The following STARD5 variants were observed in gnomAD, a reference collection of about 807,000 sequenced individuals.
STARD5 encodes the protein StAR related lipid transfer domain containing 5.
In STARD5, 26 loss-of-function variants were observed where a neutral mutation model predicts 24.6. That is an observed-to-expected ratio of 1.06 (90% CI 0.77 to 1.47). The LOEUF (loss-of-function observed/expected upper bound fraction) is 1.47. Ranked by LOEUF, STARD5 falls within the 40% of genes most tolerant of loss-of-function variation. STARD5 has a pLI of 0.00. For synonymous variants in STARD5, 101 were observed against 99.7 expected (o/e 1.01, Z -0.07); for missense variants, 254 against 270.8 (o/e 0.94, Z 0.44).
chr15:81,313,246 A>C lies in STARD5; in HGVS notation c.*10T>G, dbSNP rs371388632. 6.5e-7 allele frequency: 1 copy of C among 1,541,814 alleles called. No homozygotes were observed. The highest frequency in any genetic ancestry group is 8.8e-7 in the Non-Finnish European group (1 of 1,141,714). On this transcript the variant is annotated 3_prime_UTR_variant, in exon 6 of 6. Transcript: ENST00000302824. ...TCACGGGAGTTCTTTGCCAAGAAGT[A>C]ACGATAGCATTACTCATGGAATTGC...
rs888533429 is a variant in STARD5, at chr15:81,312,542, C to G, written c.*714G>C. 3 of 152,234 alleles carry G rather than the reference C, an allele frequency of 2.0e-5. No homozygotes were observed. Among genetic ancestry groups the G allele is most frequent in the Non-Finnish European group, 2.9e-5 (2 of 68,056 alleles). The allele number at this position is 152,234 out of a possible 1,614,324, so 9.4% of individuals were successfully genotyped here. ...TCAGAATCACTTCTGAGAACTCATCCCTAATGCTGCAGATTTGGGCTGGAA... is the reference window on the plus strand; with the variant it reads ...TCAGAATCACTTCTGAGAACTCATCGCTAATGCTGCAGATTTGGGCTGGAA... On this transcript the variant is annotated 3_prime_UTR_variant, in exon 6 of 6. Transcript: ENST00000302824.
chr15:81,313,036 G>T lies in STARD5; in HGVS notation c.*220C>A. The T allele has an allele frequency of 2.5e-6, 1 of 392,868 alleles. No individual in the cohort carries two copies. Among genetic ancestry groups the T allele is most frequent in the Non-Finnish European group, 4.4e-6 (1 of 226,468 alleles). 24.3% of individuals were successfully genotyped at this position (392,868 alleles called of 1,614,324 possible). A position where few individuals can be genotyped will look rare whatever the true frequency, so the allele number is the denominator to read the frequency against. On this transcript the variant is annotated 3_prime_UTR_variant, in exon 6 of 6. Transcript: ENST00000302824. ...TTTGGGTAACAGGCAGATGGAGTTT[G>T]GAACACATGAATGGCTCATCACACG...
Position 81,310,682 on chromosome 15 carries a change from C to T in STARD5, c.*2574G>A, listed in dbSNP as rs762317034. Reference sequence around the variant, plus strand: ...CCTGCACAAACTCACCATCTGTGCACGCAGTGGCCTTCCCTAAAATCAGGG... The same window carrying T: ...CCTGCACAAACTCACCATCTGTGCATGCAGTGGCCTTCCCTAAAATCAGGG... On this transcript the variant is annotated 3_prime_UTR_variant, in exon 6 of 6. Coordinates refer to ENST00000302824, the MANE Select transcript of STARD5 (RefSeq NM_181900.3). 1 of 152,160 alleles carries T rather than the reference C, an allele frequency of 6.6e-6. No homozygotes were observed. The highest frequency in any genetic ancestry group is 1.5e-5 in the Non-Finnish European group (1 of 68,040). 9.4% of individuals were successfully genotyped at this position (152,160 alleles called of 1,614,324 possible).
Position 81,324,120 on chromosome 15 carries a change from G to T in STARD5, c.-21C>A. On this transcript the variant is annotated 5_prime_UTR_variant, in exon 1 of 6. Coordinates refer to ENST00000302824, the MANE Select transcript of STARD5 (RefSeq NM_181900.3). ...TCCATTGCGTCGGGAGCTGCGCTTA[G>T]CTGCGGGGTCGCGGGTGTTATGAGC... The T allele has an allele frequency of 1.5e-6, 2 of 1,342,604 alleles. No homozygotes were observed. Among genetic ancestry groups the T allele is most frequent in the Non-Finnish European group, 1.9e-6 (2 of 1,037,328 alleles). 83.2% of individuals were successfully genotyped at this position (1,342,604 alleles called of 1,614,324 possible). A position where few individuals can be genotyped will look rare whatever the true frequency, so the allele number is the denominator to read the frequency against.
Position 81,309,055 on chromosome 15 carries a change from G to A in STARD5, c.*4201C>T, listed in dbSNP as rs1900719837. The A allele has an allele frequency of 2.6e-6, 1 of 384,282 alleles. No homozygotes were observed. Among genetic ancestry groups the A allele is most frequent in the South Asian group, 8.7e-5 (1 of 11,530 alleles). The allele number at this position is 384,282 out of a possible 1,614,324, so 23.8% of individuals were successfully genotyped here. A position where few individuals can be genotyped will look rare whatever the true frequency, so the allele number is the denominator to read the frequency against. ...AAAAAGAGAGCTTAATGATAATATT[G>A]TGGTGCCACAAATAAAATGGATTTA... On this transcript the variant is annotated 3_prime_UTR_variant, in exon 6 of 6. Coordinates refer to ENST00000302824, the MANE Select transcript of STARD5 (RefSeq NM_181900.3).
In STARD5 at chr15:81,312,001, C is replaced by T. The variant is rs1348859134; in HGVS notation, c.*1255G>A. The T allele has an allele frequency of 2.6e-5, 4 of 152,164 alleles. No individual in the cohort carries two copies. The highest frequency in any genetic ancestry group is 4.8e-5 in the African/African-American group (2 of 41,424). The allele number at this position is 152,164 out of a possible 1,614,324, so 9.4% of individuals were successfully genotyped here. ...GGAAGTAACAGTAACGCAGGGGAAA[C>T]GTTTTCTGTTTGGAGGAGCAAAGGC... On this transcript the variant is annotated 3_prime_UTR_variant, in exon 6 of 6. Coordinates refer to ENST00000302824, the MANE Select transcript of STARD5 (RefSeq NM_181900.3).
intron 5 of STARD5, 152 bp downstream of exon 5, chr15:81,318,257 G>A: frequency 1.5e-6 from 1 of 654,590 alleles, no homozygotes; most frequent in East Asian, 2.8e-5. Context: ...GCAGATGTGT[G>A]TGAAAGTATT....
chr15:81,318,251 A>C (rs4503751), intron 5 of STARD5, among the ~76,000 whole-genome samples, 158 bp downstream of exon 5: 54,140 of 152,110 alleles, frequency 0.36, 12,006 homozygotes, highest in African/African-American at 0.6. Context: ...GCTTATGCAG[A>C]TGTGTGTGAA....
At position 81,320,875 on chromosome 15, in the gene STARD5, T is replaced by C. The variant is rs534219597; in HGVS notation, c.283-1419A>G. Among the ~76,000 whole-genome samples the C allele has an allele frequency of 1.5e-4, 23 of 152,360 alleles. No homozygotes were observed. In the South Asian group the frequency reaches 4.6e-3, roughly 30 times the overall value. ...ATTTTGAAGACAGCAGCAGCACATGTCATAAATGCGACAAACTCATGGCAT... is the reference window on the plus strand; with the variant it reads ...ATTTTGAAGACAGCAGCAGCACATGCCATAAATGCGACAAACTCATGGCAT... On this transcript the variant is annotated intron_variant, in intron 3 of 5. Coordinates refer to ENST00000302824, the MANE Select transcript of STARD5 (RefSeq NM_181900.3).
At chr15:81,319,079 C>T (rs1215124604) in intron 4 of STARD5, among the ~76,000 whole-genome samples, 1 of 151,072 alleles carries the variant, frequency 6.6e-6, no homozygotes, top group Non-Finnish European at 1.5e-5. Context: ...CAGCACACAC[C>T]ATGAGCTTCC....
At chr15:81,320,298 AT>A (rs1901170973) in intron 3 of STARD5, among the ~76,000 whole-genome samples, 1 of 152,192 alleles carries the variant, frequency 6.6e-6, no homozygotes, top group South Asian at 2.1e-4. Flanking sequence ...AGAACTTTTC[AT>A]CAGGGACACT....
intron 3 of STARD5, among the ~76,000 whole-genome samples, chr15:81,319,713 G>T (rs997573519): frequency 6.6e-6 from 1 of 152,238 alleles, no homozygotes; most frequent in Non-Finnish European, 1.5e-5. Context: ...CACGTCTCAT[G>T]TGACCATAAG....
At chr15:81,316,877 T>TCA (rs1901093387) in intron 5 of STARD5, among the ~76,000 whole-genome samples, 1 of 152,082 alleles carries the variant, frequency 6.6e-6, no homozygotes, top group Non-Finnish European at 1.5e-5. Context: ...CAGGGTTTTG[T>TCA]GGGACCCCAA....
intron 4 of STARD5, 30 bp from the exon 5 acceptor site, chr15:81,318,532 T>TA: frequency 6.3e-7 from 1 of 1,599,036 alleles, no homozygotes; most frequent in Non-Finnish European, 8.6e-7. Flanking sequence ...CTCGGTGAGT[T>TA]ACAACTTCAG....
intron 5 of STARD5, 124 bp from the exon 6 acceptor site, chr15:81,313,527 C>G (rs1900980423): frequency 4.3e-6 from 4 of 932,676 alleles, no homozygotes; most frequent in African/African-American, 3.4e-5. Context: ...CGTCTCATCC[C>G]TTGCTGTGCC....
intron 4 of STARD5, 33 bp downstream of exon 4, chr15:81,319,306 G>A (rs777914398): frequency 2.5e-6 from 4 of 1,569,458 alleles, no homozygotes; most frequent in Non-Finnish European, 3.5e-6. Context: ...GATATCGCAG[G>A]AAGGCATGGC....
chr15:81,314,017 TA>T (rs1045452780), intron 5 of STARD5: 10 of 152,184 alleles, frequency 6.6e-5, no homozygotes, highest in Admixed American at 1.3e-4. Flanking sequence ...TTTTTTGTTT[TA>T]AAAAAATAGT....
rs547603129 is a variant in STARD5 at position 81,310,268 on chromosome 15, C to G, written c.*2988G>C. Reference sequence around the variant, plus strand: ...ATGTTAATGTAATCTGATGGCTTCTCCAGGGTCCACAGGAAGTGAAGAATC... The same window carrying G: ...ATGTTAATGTAATCTGATGGCTTCTGCAGGGTCCACAGGAAGTGAAGAATC... On this transcript the variant is annotated 3_prime_UTR_variant, in exon 6 of 6. Coordinates refer to ENST00000302824, the MANE Select transcript of STARD5 (RefSeq NM_181900.3). 1 of 152,234 alleles carries G rather than the reference C, an allele frequency of 6.6e-6. No homozygotes were observed. 9.4% of individuals were successfully genotyped at this position (152,234 alleles called of 1,614,324 possible). A position where few individuals can be genotyped will look rare whatever the true frequency, so the allele number is the denominator to read the frequency against.
In STARD5 at chr15:81,311,332, G is replaced by T. The variant is rs1369325856; in HGVS notation, c.*1924C>A. The T allele has an allele frequency of 6.6e-6, 1 of 152,242 alleles. No individual in the cohort carries two copies. The highest frequency in any genetic ancestry group is 2.4e-5 in the African/African-American group (1 of 41,454). 9.4% of individuals were successfully genotyped at this position (152,242 alleles called of 1,614,324 possible). A position where few individuals can be genotyped will look rare whatever the true frequency, so the allele number is the denominator to read the frequency against. Reference sequence around the variant, plus strand: ...TCTCACTTGTGCCAACACTCAAGAAGCAGGCTACACTGACACTGGTATTCC... The same window carrying T: ...TCTCACTTGTGCCAACACTCAAGAATCAGGCTACACTGACACTGGTATTCC... On this transcript the variant is annotated 3_prime_UTR_variant, in exon 6 of 6. Transcript: ENST00000302824.
Sources: gnomAD v4.1 joint callset for allele counts (sites outside exome capture counted in the v4.1 genomes callset) on GRCh38, gnomAD v4.1.1 for gene constraint, MANE v1.5 for transcripts, NCBI Gene and HGNC (gene_info 2026-07-23, HGNC 2026-07-21) for gene names.